ELAVL2: variants seen among roughly 807,000 people sequenced by gnomAD.
ELAVL2 encodes the protein ELAV-like protein 2.
A neutral mutation model predicts 34.6 loss-of-function variants in ELAVL2; 4 were observed. That is an observed-to-expected ratio of 0.12 (90% CI 0.06 to 0.26). The LOEUF is 0.26. Among genes scored for constraint, ELAVL2 ranks in the 10% least tolerant of loss-of-function variants. ELAVL2 has a pLI of 1.00. For synonymous variants in ELAVL2, 193 were observed against 154.8 expected (o/e 1.25, Z -1.83); for missense variants, 432 against 442.8 (o/e 0.98, Z 0.22).
chr9:23,692,944 A>G, intron 6 of ELAVL2, 60 bp from the exon 7 acceptor site: 1 of 1,502,922 alleles, frequency 6.7e-7, no homozygotes, highest in Non-Finnish European at 9.1e-7. Context: ...GAGGTTGGTT[A>G]TAGCAATGAA....
chr9:23,726,508 A>G (rs1013043134), intron 3 of ELAVL2, among the ~76,000 whole-genome samples: 39 of 152,168 alleles, frequency 2.6e-4, no homozygotes, highest in African/African-American at 8.9e-4. Flanking sequence ...AAAACATTCT[A>G]TTCCCTGAGA....
intron 1 of ELAVL2, chr9:23,821,484 G>A (rs1430232773): frequency 2.6e-5 from 4 of 152,218 alleles, no homozygotes; most frequent in African/African-American, 4.8e-5. Flanking sequence ...TCGGACTAGG[G>A]CGCACCACCC....
At chr9:23,755,924 CA>C (rs1368886917) in intron 2 of ELAVL2, among the ~76,000 whole-genome samples, 2 of 152,062 alleles carry the variant, frequency 1.3e-5, no homozygotes, top group Non-Finnish European at 2.9e-5. Flanking sequence ...CTGTAACTGA[CA>C]TACAAAATCA....
Position 23,701,447 on chromosome 9 carries a change from A to C in ELAVL2, c.645T>G (p.Leu215=). 6.2e-7 allele frequency: 1 copy of C among 1,614,108 alleles called. No homozygotes were observed. Among genetic ancestry groups the C allele is most frequent in the Non-Finnish European group, 8.5e-7 (1 of 1,180,000 alleles). ...TGTTTGGAGACTGGTACAGCTGGGA[A>C]AGGATGGCCTGATTGGTTTTTTGGC... ...NPSQKTNQAI[L]SQLYQSPNRR... Residue 215 remains leucine (L), a synonymous_variant, in exon 5 of 7, where the codon CTT becomes CTG. Transcript: ENST00000397312.
chr9:23,818,189 A>T (rs1302582737), intron 1 of ELAVL2, among the ~76,000 whole-genome samples: 1 of 152,208 alleles, frequency 6.6e-6, no homozygotes, highest in East Asian at 1.9e-4. Flanking sequence ...TATGTCCTCC[A>T]TAGTGAATTT....
chr9:23,816,410 A>C (rs991464805), intron 1 of ELAVL2, among the ~76,000 whole-genome samples: 2 of 149,238 alleles, frequency 1.3e-5, no homozygotes, highest in African/African-American at 4.9e-5. Context: ...GATTTTTGTG[A>C]TATCCTATTA....
chr9:23,700,175 G>A (rs2036696405), intron 5 of ELAVL2, among the ~76,000 whole-genome samples: 1 of 151,992 alleles, frequency 6.6e-6, no homozygotes, highest in East Asian at 1.9e-4. Context: ...TAACTATTCT[G>A]TCCCATGAAT....
Position 23,761,939 on chromosome 9 carries a change from C to T in ELAVL2, c.229+67G>A. 4 of 1,486,636 alleles carry T rather than the reference C, an allele frequency of 2.7e-6. No individual in the cohort carries two copies. In the South Asian group the frequency reaches 5.8e-5, roughly 22 times the overall value. The allele number at this position is 1,486,636 out of a possible 1,614,324, so 92.1% of individuals were successfully genotyped here. A position where few individuals can be genotyped will look rare whatever the true frequency, so the allele number is the denominator to read the frequency against. On this transcript the variant is annotated intron_variant, in intron 2 of 6. Coordinates refer to ENST00000397312, the MANE Select transcript of ELAVL2 (RefSeq NM_004432.5). ...CAGTGAATTATTTACAAGCAGTAATCTTATTATTTTCTCCTATCTTGAGAC... is the reference window on the plus strand; with the variant it reads ...CAGTGAATTATTTACAAGCAGTAATTTTATTATTTTCTCCTATCTTGAGAC...
At chr9:23,729,570 C>T (rs1201989941) in intron 3 of ELAVL2, among the ~76,000 whole-genome samples, 1 of 152,098 alleles carries the variant, frequency 6.6e-6, no homozygotes, top group Non-Finnish European at 1.5e-5. Context: ...TATTGGAAAT[C>T]TCATTTTTCC....
chr9:23,783,559 G>A (rs1039576387), intron 1 of ELAVL2: 2 of 936,632 alleles, frequency 2.1e-6, no homozygotes, highest in Non-Finnish European at 2.5e-6. Flanking sequence ...ACCACTAAAA[G>A]GACACAGAAG....
intron 1 of ELAVL2, among the ~76,000 whole-genome samples, chr9:23,797,058 T>C (rs2061018695): frequency 6.6e-6 from 1 of 152,170 alleles, no homozygotes; most frequent in South Asian, 2.1e-4. Context: ...ACAGGTTGAA[T>C]TAACCTGACC....
chr9:23,719,745 C>T (rs1006167447), intron 3 of ELAVL2, among the ~76,000 whole-genome samples: 1 of 151,572 alleles, frequency 6.6e-6, no homozygotes, highest in Non-Finnish European at 1.5e-5. Context: ...AATATCAAGA[C>T]ACTGGGTAGG....
chr9:23,704,881 G>C (rs1365240011), intron 4 of ELAVL2, 37 bp downstream of exon 4: 1 of 1,608,710 alleles, frequency 6.2e-7, no homozygotes, highest in East Asian at 2.2e-5. Flanking sequence ...GCTAGTCAGA[G>C]ACAGGGAAAG....
chr9:23,824,995 G>A (rs1313671773), intron 1 of ELAVL2, among the ~76,000 whole-genome samples: 1 of 152,114 alleles, frequency 6.6e-6, no homozygotes, highest in Non-Finnish European at 1.5e-5. Flanking sequence ...ACTTCCCAGC[G>A]CCCAGCACAG....
intron 2 of ELAVL2, among the ~76,000 whole-genome samples, chr9:23,753,217 A>AGG (rs1275001953): frequency 6.6e-6 from 1 of 152,194 alleles, no homozygotes; most frequent in Non-Finnish European, 1.5e-5. Context: ...GCACACTCTG[A>AGG]GGGTTTCCAC....
At chr9:23,779,451 C>CTA (rs1341669807) in intron 1 of ELAVL2, 52 of 979,636 alleles carry the variant, frequency 5.3e-5, no homozygotes, top group Non-Finnish European at 6.1e-5. Flanking sequence ...AATATGAAAG[C>CTA]TAGAGAGTGG....
At chr9:23,765,975 A>C (rs2056162805) in intron 1 of ELAVL2, among the ~76,000 whole-genome samples, 1 of 152,186 alleles carries the variant, frequency 6.6e-6, no homozygotes, top group Non-Finnish European at 1.5e-5. Context: ...CAAAAGCCAA[A>C]GTTTACTTTT....
intron 1 of ELAVL2, chr9:23,765,000 C>T: frequency 1.2e-6 from 2 of 1,608,672 alleles, no homozygotes; most frequent in East Asian, 2.2e-5. Flanking sequence ...TAAGAAAAAT[C>T]CCACAGACCC....
the ELAVL2 span, among the ~76,000 whole-genome samples, chr9:23,842,600 A>G: frequency 6.6e-6 from 1 of 152,104 alleles, no homozygotes; most frequent in African/African-American, 2.4e-5. Flanking sequence ...CTTTTCACTC[A>G]AAGTGCATTT....
Sources: gnomAD v4.1 joint callset for allele counts (sites outside exome capture counted in the v4.1 genomes callset) on GRCh38, gnomAD v4.1.1 for gene constraint, MANE v1.5 for transcripts, NCBI Gene and HGNC (gene_info 2026-07-23, HGNC 2026-07-21) for gene names.